Variants in LGSN observed in about 807,000 individuals in gnomAD.
LGSN encodes lengsin, lens protein with glutamine synthetase domain.
Under a neutral mutation model 19.5 loss-of-function variants are expected in LGSN, and 21 were observed. The ratio of observed to expected loss-of-function variants is 1.07; its 90% CI spans 0.76 to 1.55. The LOEUF is 1.55. Ranked by LOEUF, LGSN falls within the 40% of genes most tolerant of loss-of-function variation. The probability of loss-of-function intolerance (pLI) is 0.00; values close to 1 mark genes in which losing one functional copy is unlikely to be tolerated. For synonymous variants in LGSN, 257 were observed against 215.6 expected (o/e 1.19, Z -1.68); for missense variants, 673 against 608.5 (o/e 1.11, Z -1.12).
the LGSN span, among the ~76,000 whole-genome samples, chr6:63,434,585 C>A: frequency 1.4e-5 from 2 of 147,674 alleles, no homozygotes; most frequent in African/African-American, 5.0e-5. Context: ...ATGGTGAAAC[C>A]CTGTCTCTAC....
chr6:63,348,469 AT>A, the LGSN span, among the ~76,000 whole-genome samples: 80 of 152,098 alleles, frequency 5.3e-4, 1 homozygote, highest in Middle Eastern at 3.4e-3. Context: ...AAAAAAAAAA[AT>A]ATATGGAAAT....
At chr6:63,351,225 T>C in the LGSN span, among the ~76,000 whole-genome samples, 1 of 152,156 alleles carries the variant, frequency 6.6e-6, no homozygotes, top group African/African-American at 2.4e-5. Context: ...ACCAGTGTCT[T>C]GTTCTGGGAC....
chr6:63,458,419 G>C, the LGSN span, among the ~76,000 whole-genome samples: 1 of 152,264 alleles, frequency 6.6e-6, no homozygotes, highest in African/African-American at 2.4e-5. Flanking sequence ...AACAAATGCT[G>C]TGCCTATAAT....
At chr6:63,559,704 C>T in the LGSN span, among the ~76,000 whole-genome samples, 2 of 151,862 alleles carry the variant, frequency 1.3e-5, no homozygotes, top group South Asian at 4.2e-4. Flanking sequence ...AAGATCGCGC[C>T]ACTGCACTCC....
At chr6:63,336,879 C>A in the LGSN span, among the ~76,000 whole-genome samples, 1 of 149,966 alleles carries the variant, frequency 6.7e-6, no homozygotes, top group South Asian at 2.1e-4. Flanking sequence ...GGATTGCAGG[C>A]GTGAACCACC....
chr6:63,412,709 G>GGGAAGGAAGGAAGGAAGGAA, the LGSN span, among the ~76,000 whole-genome samples: 1 of 65,176 alleles, frequency 1.5e-5, no homozygotes, highest in African/African-American at 8.0e-5. Flanking sequence ...GAAAGAAAGA[G>GGGAAGGAAGGAAGGAAGGAA]GGAAGGAAGG....
At chr6:63,392,870 ATCT>A in the LGSN span, among the ~76,000 whole-genome samples, 5 of 145,198 alleles carry the variant, frequency 3.4e-5, no homozygotes, top group Admixed American at 6.8e-5. Context: ...TGGTGGCTCC[ATCT>A]TCTTCTTCTT....
the LGSN span, among the ~76,000 whole-genome samples, chr6:63,391,816 G>T: frequency 6.6e-6 from 1 of 152,132 alleles, no homozygotes; most frequent in Non-Finnish European, 1.5e-5. Context: ...ATGATGTAAA[G>T]CATAAGGGCC....
chr6:63,289,867 C>T (rs551716938), intron 2 of LGSN, among the ~76,000 whole-genome samples: 4 of 152,150 alleles, frequency 2.6e-5, no homozygotes, highest in Admixed American at 2.6e-4. Context: ...CATAATGTAC[C>T]ATGCTCTTTC....
the LGSN span, among the ~76,000 whole-genome samples, chr6:63,573,049 C>T: frequency 2.0e-5 from 3 of 152,066 alleles, no homozygotes; most frequent in African/African-American, 7.2e-5. Context: ...GCTTCCGCAG[C>T]GGGCCGGGTG....
chr6:63,485,617 T>A, the LGSN span, among the ~76,000 whole-genome samples: 4 of 152,234 alleles, frequency 2.6e-5, no homozygotes, highest in African/African-American at 7.2e-5. Flanking sequence ...CTCACTGCCT[T>A]CCACAATAGT....
chr6:63,357,093 G>A, the LGSN span, among the ~76,000 whole-genome samples: 1 of 148,522 alleles, frequency 6.7e-6, no homozygotes, highest in East Asian at 2.0e-4. Flanking sequence ...TTGGTTTTTT[G>A]TCCTTGCGAT....
chr6:63,453,138 T>C, the LGSN span, among the ~76,000 whole-genome samples: 2 of 152,194 alleles, frequency 1.3e-5, no homozygotes, highest in Non-Finnish European at 2.9e-5. Context: ...CTATTTTCTT[T>C]TGGCCAGAGA....
At chr6:63,533,319 T>A in the LGSN span, among the ~76,000 whole-genome samples, 6 of 152,080 alleles carry the variant, frequency 3.9e-5, no homozygotes, top group Non-Finnish European at 7.3e-5. Context: ...GAGGCAGAGG[T>A]TACAGTGAGC....
chr6:63,434,455 A>AG, the LGSN span, among the ~76,000 whole-genome samples: 22 of 147,944 alleles, frequency 1.5e-4, no homozygotes, highest in South Asian at 4.1e-3. Flanking sequence ...AAAAAAAAAA[A>AG]AAGAAGAAGT....
intron 2 of LGSN, among the ~76,000 whole-genome samples, chr6:63,288,267 A>AAAT (rs200120837): frequency 4.6e-5 from 6 of 130,180 alleles, no homozygotes; most frequent in Admixed American, 1.5e-4. Flanking sequence ...ATAAATAAAT[A>AAAT]AATAATAATA....
At chr6:63,293,699 A>G in intron 2 of LGSN, 1 of 455,874 alleles carries the variant, frequency 2.2e-6, no homozygotes, top group South Asian at 1.6e-5. Flanking sequence ...CTCCAGGAAC[A>G]TTGGTTGTTG....
the LGSN span, among the ~76,000 whole-genome samples, chr6:63,504,675 C>T: frequency 6.6e-6 from 1 of 152,052 alleles, no homozygotes; most frequent in Non-Finnish European, 1.5e-5. Flanking sequence ...AATTCCTGTC[C>T]TCATGTGATC....
the LGSN span, among the ~76,000 whole-genome samples, chr6:63,368,220 A>C: frequency 1.3e-5 from 2 of 152,136 alleles, no homozygotes; most frequent in African/African-American, 2.4e-5. Flanking sequence ...ACTAAAGTGC[A>C]TCTTACAACA....
Sources: allele counts gnomAD v4.1 joint callset (sites outside exome capture counted in the v4.1 genomes callset), GRCh38; gene constraint gnomAD v4.1.1; transcripts MANE v1.5; gene names NCBI Gene and HGNC (gene_info 2026-07-23, HGNC 2026-07-21).